The following AGPAT5 variants were observed in gnomAD, a reference collection of about 807,000 sequenced individuals.
AGPAT5 encodes 1-acyl-sn-glycerol-3-phosphate acyltransferase epsilon.
AGPAT5 carries 46 observed loss-of-function variants against 45.6 expected under a neutral mutation model. That is an observed-to-expected ratio of 1.01 (90% CI 0.80 to 1.29). AGPAT5 has a LOEUF of 1.29. Among genes scored for constraint, AGPAT5 ranks in the 50% most tolerant of loss-of-function variants. AGPAT5 has a pLI of 0.00. For missense variants in AGPAT5, 673 were observed against 450.7 expected, an observed-to-expected ratio of 1.49 and a Z score of -4.47; for synonymous variants, 272 against 167.0, an observed-to-expected ratio of 1.63 and a Z score of -4.85.
chr8:6,738,965 T>A (rs1343019512), intron 4 of AGPAT5, among the ~76,000 whole-genome samples: 1 of 152,136 alleles, frequency 6.6e-6, no homozygotes, highest in Non-Finnish European at 1.5e-5. Context: ...TACATTTAGT[T>A]CTAGGATTTA....
At chr8:6,750,976 C>T (rs539659955) in intron 6 of AGPAT5, among the ~76,000 whole-genome samples, 1 of 152,258 alleles carries the variant, frequency 6.6e-6, no homozygotes, top group South Asian at 2.1e-4. Flanking sequence ...ATAATAATAA[C>T]ACGTTTTTCC....
intron 5 of AGPAT5, 43 bp downstream of exon 5, chr8:6,741,794 TA>T (rs1367188179): frequency 6.9e-7 from 1 of 1,457,532 alleles, no homozygotes; most frequent in Non-Finnish European, 9.5e-7. Context: ...TTTTCAAAGA[TA>T]ATAACATTTT....
Position 6,724,987 on chromosome 8 carries a change from A to G in AGPAT5, c.289+48A>G, listed in dbSNP as rs921710125. ...ACATAGGTTTTTCTACAGATGGCAC[A>G]TGGGCATTCAAAATACCGTTCTTAT... On this transcript the variant is annotated intron_variant, in intron 2 of 7. Transcript: ENST00000285518. The G allele has an allele frequency of 2.5e-5, 18 of 718,372 alleles. No homozygotes were observed. The African/African-American group carries it at 3.0e-4, about 12-fold the overall frequency. The allele number at this position is 718,372 out of a possible 1,614,324, so 44.5% of individuals were successfully genotyped here. A position where few individuals can be genotyped will look rare whatever the true frequency, so the allele number is the denominator to read the frequency against.
At position 6,757,611 on chromosome 8, in the gene AGPAT5, T is replaced by G; in HGVS notation, c.*223T>G. On this transcript the variant is annotated 3_prime_UTR_variant, in exon 8 of 8. Coordinates refer to ENST00000285518, the MANE Select transcript of AGPAT5 (RefSeq NM_018361.5). ...TCGGGGCTGCTGGAAGGGTAAAAGC[T>G]AAATGGAGTTTCTCCTGCTCTGTCC... 1 of 499,436 alleles carries G rather than the reference T, an allele frequency of 2.0e-6. No individual in the cohort carries two copies. Among genetic ancestry groups the G allele is most frequent in the Admixed American group, 3.5e-5 (1 of 28,792 alleles). 30.9% of individuals were successfully genotyped at this position (499,436 alleles called of 1,614,324 possible).
At position 6,757,324 on chromosome 8, in the gene AGPAT5, T is replaced by C. The variant is rs757006434; in HGVS notation, c.1031T>C (p.Leu344Pro). 2 of 1,614,232 alleles carry C rather than the reference T, an allele frequency of 1.2e-6. No individual in the cohort carries two copies. Among genetic ancestry groups the C allele is most frequent in the South Asian group, 2.2e-5 (2 of 91,088 alleles). The stretch of plus-strand genomic sequence containing the variant: ...CTTATGACCGATGCTGGAAGGAAGC[T>C]GTATGTGAACACCTGGATATATGGA... ...GMLMTDAGRKLYVNTWIYGTL... is the reference protein window; with the variant it reads ...GMLMTDAGRKPYVNTWIYGTL... Residue 344 changes from leucine (L) to proline (P), a missense_variant, in exon 8 of 8, where the codon CTG becomes CCG. Leu to Pro is a moderately conservative substitution (Grantham distance 98). Transcript: ENST00000285518.
At chr8:6,732,814 G>T (rs553140956) in intron 4 of AGPAT5, among the ~76,000 whole-genome samples, 164 bp downstream of exon 4, 11 of 152,300 alleles carry the variant, frequency 7.2e-5, no homozygotes, top group Middle Eastern at 3.4e-3. Flanking sequence ...AGGTAGGCAG[G>T]TTTTTCAGCC....
chr8:6,744,376 C>T (rs1487885400), intron 5 of AGPAT5, among the ~76,000 whole-genome samples: 1 of 152,210 alleles, frequency 6.6e-6, no homozygotes, highest in Non-Finnish European at 1.5e-5. Context: ...TGTTTGCTCC[C>T]TGTGGCTGCT....
At chr8:6,737,359 A>G (rs1014771223) in intron 4 of AGPAT5, among the ~76,000 whole-genome samples, 1 of 152,228 alleles carries the variant, frequency 6.6e-6, no homozygotes, top group Non-Finnish European at 1.5e-5. Context: ...TGTTAAGTCA[A>G]CTTTCGTGTG....
intron 2 of AGPAT5, among the ~76,000 whole-genome samples, chr8:6,730,258 G>A (rs142276155): frequency 4.8e-5 from 7 of 147,164 alleles, no homozygotes; most frequent in African/African-American, 1.5e-4. Context: ...AACAGAAAAT[G>A]TATATTTTTT....
At chr8:6,719,960 G>A (rs1340235995) in intron 1 of AGPAT5, among the ~76,000 whole-genome samples, 2 of 152,204 alleles carry the variant, frequency 1.3e-5, no homozygotes, top group Non-Finnish European at 2.9e-5. Context: ...TTGAAGAGAA[G>A]ACCAAGTTGT....
chr8:6,719,985 G>C (rs1401180221), intron 1 of AGPAT5, among the ~76,000 whole-genome samples: 1 of 152,200 alleles, frequency 6.6e-6, no homozygotes, highest in Non-Finnish European at 1.5e-5. Flanking sequence ...ATCAGTGGTT[G>C]GGACTTTACA....
intron 5 of AGPAT5, among the ~76,000 whole-genome samples, chr8:6,743,504 T>G (rs1801310174): frequency 6.6e-6 from 1 of 152,238 alleles, no homozygotes; most frequent in Non-Finnish European, 1.5e-5. Flanking sequence ...TGCCTAAGTT[T>G]TATTCACAAA....
At chr8:6,722,403 T>C (rs1373313438) in intron 1 of AGPAT5, among the ~76,000 whole-genome samples, 1 of 152,220 alleles carries the variant, frequency 6.6e-6, no homozygotes, top group East Asian at 1.9e-4. Flanking sequence ...CAAAAGTTTT[T>C]TTTAAAAAAT....
chr8:6,753,653 G>A (rs758099241), intron 6 of AGPAT5, among the ~76,000 whole-genome samples: 1 of 152,134 alleles, frequency 6.6e-6, no homozygotes, highest in Non-Finnish European at 1.5e-5. Context: ...CAGGCTACCT[G>A]ACTCCACCAT....
chr8:6,745,419 C>G lies in AGPAT5; in HGVS notation c.587-2251C>G, dbSNP rs1801408370. 2.0e-5 allele frequency among the ~76,000 whole-genome samples: 3 copies of G among 152,332 alleles called. 1 individual carries two copies. The highest frequency in any genetic ancestry group is 3.9e-4 in the East Asian group (2 of 5,188). On this transcript the variant is annotated intron_variant, in intron 5 of 7. Coordinates refer to ENST00000285518, the MANE Select transcript of AGPAT5 (RefSeq NM_018361.5). Reference sequence around the variant, plus strand: ...TTTCTTGTGTTTGACTCCATCCACTCTCCAGAAATGAATCCCACTTCTCAC... The same window carrying G: ...TTTCTTGTGTTTGACTCCATCCACTGTCCAGAAATGAATCCCACTTCTCAC...
At chr8:6,754,281 G>A (rs1026594490) in intron 6 of AGPAT5, among the ~76,000 whole-genome samples, 3 of 152,118 alleles carry the variant, frequency 2.0e-5, no homozygotes, top group African/African-American at 7.2e-5. Context: ...AAATAAGCAA[G>A]TCTTAGAAAC....
chr8:6,721,715 A>G (rs1348468207), intron 1 of AGPAT5, among the ~76,000 whole-genome samples: 2 of 152,222 alleles, frequency 1.3e-5, no homozygotes, highest in Non-Finnish European at 1.5e-5. Flanking sequence ...AGTATAAGGG[A>G]GAGCAGACTG....
Position 6,720,911 on chromosome 8 carries a change from CAAT to C in AGPAT5, c.220-3958_220-3956del, listed in dbSNP as rs143342638. Among the ~76,000 whole-genome samples the C allele has an allele frequency of 1.0e-2, 1,518 of 152,220 alleles. 20 individuals carry two copies. The highest frequency in any genetic ancestry group is 0.063 in the East Asian group (328 of 5,184). On this transcript the variant is annotated intron_variant, in intron 1 of 7. Transcript: ENST00000285518. ...GTTTATTCACTAGACATGGTAAGAA[CAAT>C]GAGAGAGCAGTGAGCCGTGATGGTC... is the stretch of plus-strand genomic sequence containing the variant.
chr8:6,746,475 G>C (rs1326849713), intron 5 of AGPAT5, among the ~76,000 whole-genome samples: 1 of 152,178 alleles, frequency 6.6e-6, no homozygotes, highest in East Asian at 1.9e-4. Context: ...ACACCACAGA[G>C]TGATATTTTG....
Sources: gnomAD v4.1 joint callset for allele counts (sites outside exome capture counted in the v4.1 genomes callset) on GRCh38, gnomAD v4.1.1 for gene constraint, MANE v1.5 for transcripts, NCBI Gene and HGNC (gene_info 2026-07-23, HGNC 2026-07-21) for gene names.